FAM168A: variants seen among roughly 807,000 people sequenced by gnomAD.
FAM168A encodes the protein protein FAM168A.
In FAM168A, 3 loss-of-function variants were observed where a neutral mutation model predicts 28.5. That is an observed-to-expected ratio of 0.11 (90% CI 0.05 to 0.27). The LOEUF (loss-of-function observed/expected upper bound fraction) is 0.27, where lower values mean the gene tolerates loss of function less well. Among genes scored for constraint, FAM168A ranks in the 10% least tolerant of loss-of-function variants. The pLI is 1.00. For missense variants in FAM168A, 222 were observed against 311.5 expected (o/e 0.71, Z 2.16); for synonymous variants, 122 against 124.2 (o/e 0.98, Z 0.12).
chr11:73,485,309 G>A (rs939401170), intron 1 of FAM168A, among the ~76,000 whole-genome samples: 1 of 152,156 alleles, frequency 6.6e-6, no homozygotes, highest in Non-Finnish European at 1.5e-5. Flanking sequence ...ACTGGATCTA[G>A]GAGAAACAAA....
chr11:73,477,849 C>T (rs1867909561), intron 1 of FAM168A, among the ~76,000 whole-genome samples: 1 of 151,846 alleles, frequency 6.6e-6, no homozygotes, highest in South Asian at 2.1e-4. Context: ...ATATTTATGA[C>T]TGAAAGGAAG....
intron 2 of FAM168A, among the ~76,000 whole-genome samples, chr11:73,459,242 T>C (rs1867598246): frequency 6.6e-6 from 1 of 152,060 alleles, no homozygotes; most frequent in South Asian, 2.1e-4. Flanking sequence ...TGCCACCATG[T>C]CCAGCCAATT....
chr11:73,493,725 T>C (rs987002369), intron 1 of FAM168A, among the ~76,000 whole-genome samples: 3 of 152,174 alleles, frequency 2.0e-5, no homozygotes, highest in Non-Finnish European at 4.4e-5. Flanking sequence ...CCTTGTTTTA[T>C]TTTTATTTAA....
intron 1 of FAM168A, among the ~76,000 whole-genome samples, chr11:73,535,726 T>C (rs1488603623): frequency 1.3e-5 from 2 of 148,524 alleles, no homozygotes; most frequent in African/African-American, 2.5e-5. Context: ...ACCCTTCTTT[T>C]TTTTTTTTTT....
rs150431408 is a variant in FAM168A at position 73,552,705 on chromosome 11, T to G, written c.-19+45218A>C. On this transcript the variant is annotated intron_variant, in intron 1 of 7. Transcript: ENST00000356467. Reference sequence around the variant, plus strand: ...GGCGTGGTGGCTCATGCCTGTAATCTCAACACTTTGGGAGGCCAAGATGGG... The same window carrying G: ...GGCGTGGTGGCTCATGCCTGTAATCGCAACACTTTGGGAGGCCAAGATGGG... 5.8e-3 allele frequency among the ~76,000 whole-genome samples: 890 copies of G among 152,222 alleles called. 8 individuals are homozygous for G. The highest frequency in any genetic ancestry group is 0.027 in the Middle Eastern group (8 of 294).
chr11:73,447,094 CT>C (rs771499074), intron 2 of FAM168A, among the ~76,000 whole-genome samples: 1 of 152,210 alleles, frequency 6.6e-6, no homozygotes, highest in Non-Finnish European at 1.5e-5. Flanking sequence ...ATTGTTCAGG[CT>C]CTTTTCAATG....
chr11:73,463,136 T>G (rs1206854360), intron 2 of FAM168A, among the ~76,000 whole-genome samples: 2 of 151,724 alleles, frequency 1.3e-5, no homozygotes, highest in Non-Finnish European at 2.9e-5. Flanking sequence ...ATCTGGTTAT[T>G]TTTTGTATTT....
At chr11:73,512,617 C>A (rs751850336) in intron 1 of FAM168A, among the ~76,000 whole-genome samples, 122 of 150,914 alleles carry the variant, frequency 8.1e-4, no homozygotes, top group Non-Finnish European at 1.1e-3. Context: ...AAAAAAAAAA[C>A]CAACCTTGCC....
intron 1 of FAM168A, among the ~76,000 whole-genome samples, chr11:73,496,929 ACAGT>A (rs1262879930): frequency 2.0e-5 from 3 of 151,218 alleles, no homozygotes; most frequent in Non-Finnish European, 2.9e-5. Context: ...ACACACACAC[ACAGT>A]TTTAGGTCTA....
At chr11:73,521,187 T>C (rs1024651957) in intron 1 of FAM168A, among the ~76,000 whole-genome samples, 9 of 152,208 alleles carry the variant, frequency 5.9e-5, no homozygotes, top group Non-Finnish European at 8.8e-5. Context: ...CCTATGAATG[T>C]TGATTATCTC....
chr11:73,484,228 A>AT (rs1868007445), intron 1 of FAM168A, among the ~76,000 whole-genome samples: 1 of 152,004 alleles, frequency 6.6e-6, no homozygotes. Flanking sequence ...AACATCTTTA[A>AT]TTTTCACAGT....
chr11:73,567,596 C>T (rs1781369815), intron 1 of FAM168A, among the ~76,000 whole-genome samples: 1 of 152,236 alleles, frequency 6.6e-6, no homozygotes, highest in Admixed American at 6.5e-5. Flanking sequence ...CCACAACCCT[C>T]TGCCAAAATA....
intron 1 of FAM168A, among the ~76,000 whole-genome samples, chr11:73,497,096 C>G (rs1478992143): frequency 6.6e-6 from 1 of 152,146 alleles, no homozygotes; most frequent in African/African-American, 2.4e-5. Context: ...GATCCCATCC[C>G]TTTTTATCTT....
Position 73,411,490 on chromosome 11 carries a change from G to A in FAM168A, c.324C>T (p.Asn108=), listed in dbSNP as rs747462016. Residue 108 remains asparagine, a synonymous_variant, in exon 5 of 8, where the codon AAC becomes AAT. Transcript: ENST00000356467. ...TPYKVPPTQS[N]TAPPPYSPSP... is the part of the protein sequence containing the mutation. ...ATGGGGAGTAGGGGGGTGGAGCAGTGTTACTCTGGGTCGGTGGGACCTTGT... is the reference window on the plus strand; with the variant it reads ...ATGGGGAGTAGGGGGGTGGAGCAGTATTACTCTGGGTCGGTGGGACCTTGT... The A allele has an allele frequency of 1.2e-6, 2 of 1,613,894 alleles. No homozygotes were observed. The highest frequency in any genetic ancestry group is 1.7e-5 in the Admixed American group (1 of 60,004).
chr11:73,440,747 C>T (rs1366672248), intron 2 of FAM168A, among the ~76,000 whole-genome samples: 4 of 151,986 alleles, frequency 2.6e-5, no homozygotes, highest in African/African-American at 9.7e-5. Context: ...GGGAGAACCA[C>T]AAAAGGGTGA....
At chr11:73,529,320 CT>C (rs1195456643) in intron 1 of FAM168A, among the ~76,000 whole-genome samples, 4 of 152,210 alleles carry the variant, frequency 2.6e-5, no homozygotes, top group Non-Finnish European at 1.5e-5. Context: ...TTGCCTCTTA[CT>C]TTCTGTATAA....
At chr11:73,477,921 G>GTAGA (rs35031500) in intron 1 of FAM168A, among the ~76,000 whole-genome samples, 6,659 of 147,246 alleles carry the variant, frequency 0.045, 175 homozygotes, top group Non-Finnish European at 0.057. Context: ...AAGCTGATAT[G>GTAGA]TAGATAGATA....
intron 2 of FAM168A, among the ~76,000 whole-genome samples, chr11:73,431,340 C>T (rs967741303): frequency 2.0e-5 from 3 of 151,608 alleles, no homozygotes; most frequent in Non-Finnish European, 4.4e-5. Context: ...AGACTCCATC[C>T]GCTGCCCCCC....
intron 1 of FAM168A, among the ~76,000 whole-genome samples, chr11:73,504,087 G>C (rs1270863746): frequency 1.3e-5 from 2 of 152,106 alleles, no homozygotes; most frequent in Non-Finnish European, 2.9e-5. Context: ...TCAGGACATA[G>C]GCATGGGCAA....
Sources: allele counts gnomAD v4.1 joint callset (sites outside exome capture counted in the v4.1 genomes callset), GRCh38; gene constraint gnomAD v4.1.1; transcripts MANE v1.5; gene names NCBI Gene and HGNC (gene_info 2026-07-23, HGNC 2026-07-21).